MYOT: variants seen among roughly 807,000 people sequenced by gnomAD.
MYOT encodes myotilin, also known as 57 kDa cytoskeletal protein.
A neutral mutation model predicts 58.0 loss-of-function variants in MYOT; 36 were observed. The observed-to-expected ratio is 0.62, with a 90% CI of 0.48 to 0.82. The LOEUF (loss-of-function observed/expected upper bound fraction) is 0.82. Ranked by LOEUF, MYOT falls within the 40% of genes least tolerant of loss-of-function variation. The pLI is 0.00. For synonymous variants in MYOT, 218 were observed against 204.6 expected, an observed-to-expected ratio of 1.07 and a Z score of -0.56; for missense variants, 505 against 592.1, an observed-to-expected ratio of 0.85 and a Z score of 1.53.
intron 4 of MYOT, among the ~76,000 whole-genome samples, chr5:137,879,401 C>A (rs1474872181): frequency 6.6e-6 from 1 of 151,968 alleles, no homozygotes; most frequent in East Asian, 1.9e-4. Context: ...ACATGGAGAA[C>A]CTACTTGTAT....
At chr5:137,884,668 T>C (rs1682405357) in intron 7 of MYOT, among the ~76,000 whole-genome samples, 1 of 152,100 alleles carries the variant, frequency 6.6e-6, no homozygotes, top group Non-Finnish European at 1.5e-5. Flanking sequence ...GCATTCTGGA[T>C]TTTCAGGTTA....
At chr5:137,877,430 G>T in intron 3 of MYOT, 90 bp from the exon 4 acceptor site, 21 of 659,146 alleles carry the variant, frequency 3.2e-5, no homozygotes, top group East Asian at 1.0e-4. Flanking sequence ...ATGCTTCTTT[G>T]AAGTTCTGAC....
Position 137,875,954 on chromosome 5 carries a change from T to G in MYOT, c.482T>G (p.Leu161Trp). The change falls in exon 3 of 10, where the codon TTG becomes TGG. Residue 161 changes from leucine to tryptophan, a missense_variant. Coordinates refer to ENST00000239926, the MANE Select transcript of MYOT (RefSeq NM_006790.3). The part of the protein sequence containing the change: ...QGSKEALIQD[L>W]ERKLKCKDTL... ...TCAAAAGAAGCTTTGATTCAAGATT[T>G]GGAAAGAAAGCTGAAATGCAAGGAC... is the stretch of plus-strand genomic sequence containing the variant. 6.2e-7 allele frequency: 1 copy of G among 1,614,078 alleles called. No homozygotes were observed. Among genetic ancestry groups the G allele is most frequent in the Non-Finnish European group, 8.5e-7 (1 of 1,179,988 alleles).
intron 2 of MYOT, 73 bp from the exon 3 acceptor site, chr5:137,875,756 C>T (rs1268672452): frequency 6.3e-6 from 9 of 1,421,036 alleles, no homozygotes; most frequent in Non-Finnish European, 7.9e-6. Context: ...GTAAACTCAA[C>T]ATATCTAAAG....
chr5:137,870,575 A>C lies in MYOT; in HGVS notation c.-77A>C. 1 of 1,354,454 alleles carries C rather than the reference A, an allele frequency of 7.4e-7. No homozygotes were observed. Among genetic ancestry groups the C allele is most frequent in the Non-Finnish European group, 1.1e-6 (1 of 943,714 alleles). The allele number at this position is 1,354,454 out of a possible 1,614,324, so 83.9% of individuals were successfully genotyped here. A position where few individuals can be genotyped will look rare whatever the true frequency, so the allele number is the denominator to read the frequency against. ...TCCGTAATTCCAGGCTTGTGGCCCC[A>C]AATTCAGGGCCCCACCCTTCCAGGA... On this transcript the variant is annotated 5_prime_UTR_variant, in exon 2 of 10. Coordinates refer to ENST00000239926, the MANE Select transcript of MYOT (RefSeq NM_006790.3).
At chr5:137,879,027 C>T (rs889474083) in intron 4 of MYOT, among the ~76,000 whole-genome samples, 2 of 152,058 alleles carry the variant, frequency 1.3e-5, no homozygotes, top group Non-Finnish European at 2.9e-5. Flanking sequence ...CATCTACTTC[C>T]CAAGTTCAAG....
At chr5:137,883,086 G>T (rs1425605443) in intron 6 of MYOT, 2 of 350,856 alleles carry the variant, frequency 5.7e-6, no homozygotes, top group Non-Finnish European at 1.1e-5. Flanking sequence ...TATTCCTTAT[G>T]GAAACCAATG....
chr5:137,880,767 T>C, intron 4 of MYOT, 49 bp from the exon 5 acceptor site: 1 of 1,467,796 alleles, frequency 6.8e-7, no homozygotes, highest in Non-Finnish European at 9.5e-7. Flanking sequence ...TCTGCTTCAT[T>C]CAAGCTAACA....
chr5:137,878,430 C>A (rs913299042), intron 4 of MYOT, among the ~76,000 whole-genome samples: 4 of 151,480 alleles, frequency 2.6e-5, no homozygotes, highest in Non-Finnish European at 5.9e-5. Flanking sequence ...GCTGGCCAGG[C>A]TGGAACGCCT....
Position 137,887,399 on chromosome 5 carries a change from A to T in MYOT, c.*14A>T, listed in dbSNP as rs568522330. ...GAAGAACTTTAATAACTTTACCAAC[A>T]TTGGAAAACAGCCAACTACACCATT... On this transcript the variant is annotated 3_prime_UTR_variant, in exon 10 of 10. Transcript: ENST00000239926. The T allele has an allele frequency of 7.4e-5, 119 of 1,613,184 alleles. No homozygotes were observed. The South Asian group carries it at 1.2e-3, about 16-fold the overall frequency.
intron 1 of MYOT, among the ~76,000 whole-genome samples, chr5:137,869,439 C>T (rs1754971037): frequency 6.6e-6 from 1 of 152,082 alleles, no homozygotes; most frequent in South Asian, 2.1e-4. Context: ...GGTTGATTTT[C>T]ATGGCAAATG....
At chr5:137,880,651 T>C (rs1755396847) in intron 4 of MYOT, 165 bp from the exon 5 acceptor site, 2 of 610,460 alleles carry the variant, frequency 3.3e-6, no homozygotes, top group Non-Finnish European at 6.0e-6. Flanking sequence ...GGTAGTATGT[T>C]AGTGCACTGT....
In MYOT at chr5:137,876,019, A is replaced by G. The variant is rs754511370; in HGVS notation, c.531+16A>G. The G allele has an allele frequency of 1.9e-6, 3 of 1,613,650 alleles. No individual in the cohort carries two copies. Among genetic ancestry groups the G allele is most frequent in the East Asian group, 4.5e-5 (2 of 44,836 alleles). ...TGGAAATCAAGTGGGCAAGATGTCTATTTTGTACAAAAGGCCAATTAAACT... is the reference window on the plus strand; with the variant it reads ...TGGAAATCAAGTGGGCAAGATGTCTGTTTTGTACAAAAGGCCAATTAAACT... On this transcript the variant is annotated intron_variant, in intron 3 of 9. Transcript: ENST00000239926.
Position 137,875,814 on chromosome 5 carries a change from T to A in MYOT, c.357-15T>A, listed in dbSNP as rs763876363. The A allele has an allele frequency of 6.2e-6, 10 of 1,613,726 alleles. No homozygotes were observed. Among genetic ancestry groups the A allele is most frequent in the Middle Eastern group, 1.6e-4 (1 of 6,082 alleles). On this transcript the variant is annotated splice_polypyrimidine_tract_variant and intron_variant, in intron 2 of 9. Coordinates refer to ENST00000239926, the MANE Select transcript of MYOT (RefSeq NM_006790.3). ...GACCTTCTTTTTAAAAATCTTTTCT[T>A]TTTCCTTTTTAAAGCTATCAACAGT...
intron 6 of MYOT, chr5:137,883,048 C>T: frequency 3.5e-6 from 1 of 282,540 alleles, no homozygotes; most frequent in South Asian, 3.8e-5. Context: ...TTTGCAGTCA[C>T]ATTTAGCCAG....
chr5:137,886,911 T>C lies in MYOT; in HGVS notation c.1238T>C (p.Val413Ala). 2 of 1,597,798 alleles carry C rather than the reference T, an allele frequency of 1.3e-6. No homozygotes were observed. Among genetic ancestry groups the C allele is most frequent in the Non-Finnish European group, 1.7e-6 (2 of 1,165,180 alleles). ...AGAGTTACTTTACTGATAAAAGATGTAAACAAGAAAGATGCTGGGTGGTAT... is the reference window on the plus strand; with the variant it reads ...AGAGTTACTTTACTGATAAAAGATGCAAACAAGAAAGATGCTGGGTGGTAT... ...TGRVTLLIKD[V>A]NKKDAGWYTV... Residue 413 changes from valine (V) to alanine (A), a missense_variant, in exon 9 of 10, where the codon GTA becomes GCA. Physicochemically the swap from Val to Ala is moderately conservative, Grantham distance 64. Coordinates refer to ENST00000239926, the MANE Select transcript of MYOT (RefSeq NM_006790.3).
In MYOT at chr5:137,880,867, T is replaced by TA. The variant is rs760217241; in HGVS notation, c.683+8dup. 1.3e-6 allele frequency: 2 copies of TA among 1,592,448 alleles called. No individual in the cohort carries two copies. Among genetic ancestry groups the TA allele is most frequent in the South Asian group, 1.1e-5 (1 of 89,910 alleles). On this transcript the variant is annotated splice_region_variant and intron_variant, in intron 5 of 9. Transcript: ENST00000239926. ...GCAAGTTCCTACATCACAAGTAAGG[T>TA]AAAAAATTTTAATTTTAAAGAAATG... is the stretch of plus-strand genomic sequence containing the variant.
intron 5 of MYOT, 74 bp downstream of exon 5, chr5:137,880,939 A>G: frequency 8.9e-7 from 1 of 1,122,690 alleles, no homozygotes; most frequent in Non-Finnish European, 1.3e-6. Context: ...TGTAATATTT[A>G]TAAAGCCCTC....
chr5:137,876,446 A>C (rs1433191759), intron 3 of MYOT, among the ~76,000 whole-genome samples: 2 of 152,224 alleles, frequency 1.3e-5, no homozygotes, highest in Admixed American at 1.3e-4. Context: ...AAATACATTT[A>C]GCCTATCAGT....
Sources: allele counts gnomAD v4.1 joint callset (sites outside exome capture counted in the v4.1 genomes callset), GRCh38; gene constraint gnomAD v4.1.1; transcripts MANE v1.5; gene names NCBI Gene and HGNC (gene_info 2026-07-23, HGNC 2026-07-21).